TSG101: variants seen among roughly 807,000 people sequenced by gnomAD.
TSG101 encodes the protein tumor susceptibility 101.
A neutral mutation model predicts 48.5 loss-of-function variants in TSG101; 19 were observed. That is an observed-to-expected ratio of 0.39 (90% CI 0.27 to 0.58). TSG101 has a LOEUF of 0.58. Ranked by LOEUF, TSG101 falls within the 20% of genes least tolerant of loss-of-function variation. The pLI is 0.55. For synonymous variants in TSG101, 174 were observed against 169.4 expected, an observed-to-expected ratio of 1.03 and a Z score of -0.21; for missense variants, 365 against 484.4, an observed-to-expected ratio of 0.75 and a Z score of 2.31.
In TSG101 at chr11:18,480,370, A is replaced by G; in HGVS notation, c.*176T>C. 1 of 483,210 alleles carries G rather than the reference A, an allele frequency of 2.1e-6. No individual in the cohort carries two copies. Among genetic ancestry groups the G allele is most frequent in the South Asian group, 3.5e-5 (1 of 28,788 alleles). 29.9% of individuals were successfully genotyped at this position (483,210 alleles called of 1,614,324 possible). A position where few individuals can be genotyped will look rare whatever the true frequency, so the allele number is the denominator to read the frequency against. On this transcript the variant is annotated 3_prime_UTR_variant, in exon 10 of 10. Coordinates refer to ENST00000251968, the MANE Select transcript of TSG101 (RefSeq NM_006292.4). ...TCAGCACAAAAAGTTTACAGAGGAT[A>G]GAAAGTGCATTAATAAAAGCCAGTC...
chr11:18,480,445 C>A lies in TSG101; in HGVS notation c.*101G>T. ...TATTATTGATTCAAAATATTTTACA[C>A]TTGAATGATAAACTGCAATAACTTA... On this transcript the variant is annotated 3_prime_UTR_variant, in exon 10 of 10. Coordinates refer to ENST00000251968, the MANE Select transcript of TSG101 (RefSeq NM_006292.4). 2.3e-6 allele frequency: 2 copies of A among 856,778 alleles called. No individual in the cohort carries two copies. Among genetic ancestry groups the A allele is most frequent in the Non-Finnish European group, 3.6e-6 (2 of 560,320 alleles). 53.1% of individuals were successfully genotyped at this position (856,778 alleles called of 1,614,324 possible).
intron 1 of TSG101, among the ~76,000 whole-genome samples, chr11:18,520,687 C>T (rs550633329): frequency 9.1e-4 from 139 of 152,296 alleles, no homozygotes; most frequent in Non-Finnish European, 1.8e-3. Context: ...AGTATAGTTT[C>T]ATAGATATAT....
In TSG101 at chr11:18,483,894, C is replaced by G; in HGVS notation, c.819G>C (p.Met273Ile). Residue 273 changes from methionine (M) to isoleucine (I), a missense_variant, in exon 8 of 10, where the codon ATG (methionine) becomes ATC (isoleucine). Transcript: ENST00000251968. Reference protein sequence around the residue: ...LKKGHQKLEEMVTRLDQEVAE... With the variant: ...LKKGHQKLEEIVTRLDQEVAE... ...CTACTTCTTGATCTAAACGGGTAAC[C>G]ATCTCTTCCAGTTTCTGGTGACCCT... 1 of 1,614,138 alleles carries G rather than the reference C, an allele frequency of 6.2e-7. No individual in the cohort carries two copies. The highest frequency in any genetic ancestry group is 2.2e-5 in the East Asian group (1 of 44,876).
rs201202252 is a variant in TSG101, at chr11:18,514,678, G to A, written c.357C>T (p.His119=). The change falls in exon 4 of 10, where the codon CAC becomes CAT. Residue 119 remains histidine (H), a splice_region_variant and synonymous_variant. Transcript: ENST00000251968. ...TTCACAGAACACTATGAATACTTAC[G>A]TGTTTCCATTCATGTAGATAAGGAA... The part of the protein sequence containing the change: ...IYLPYLHEWK[H]PQSDLLGLIQ... The A allele has an allele frequency of 1.2e-4, 191 of 1,563,714 alleles. 1 individual carries two copies. Among genetic ancestry groups the A allele is most frequent in the Middle Eastern group, 1.7e-4 (1 of 5,788 alleles).
intron 1 of TSG101, among the ~76,000 whole-genome samples, chr11:18,524,182 A>G (rs1180912514): frequency 6.6e-6 from 1 of 152,258 alleles, no homozygotes; most frequent in Non-Finnish European, 1.5e-5. Context: ...GTATGTATGA[A>G]ACATCTAAAG....
rs544555884 is a variant in TSG101 at position 18,488,633 on chromosome 11, T to C, written c.641-4561A>G. 3.3e-5 allele frequency among the ~76,000 whole-genome samples: 5 copies of C among 152,132 alleles called. No individual in the cohort carries two copies. The South Asian group carries it at 1.0e-3, about 32-fold the overall frequency. ...CTGGAGGAAGACAGAGCTCTGGTGCTAGAAGTTCTTCTCAAGTCTTTAAAG... is the reference window on the plus strand; with the variant it reads ...CTGGAGGAAGACAGAGCTCTGGTGCCAGAAGTTCTTCTCAAGTCTTTAAAG... On this transcript the variant is annotated intron_variant, in intron 7 of 9. Transcript: ENST00000251968.
intron 6 of TSG101, among the ~76,000 whole-genome samples, chr11:18,503,023 T>C (rs1193872893): frequency 6.6e-6 from 1 of 152,238 alleles, no homozygotes; most frequent in Non-Finnish European, 1.5e-5. Flanking sequence ...CCTCTTTTGA[T>C]AACATTCGTA....
chr11:18,483,205 T>TC lies in TSG101; in HGVS notation c.843+664_843+665insG, dbSNP rs1849570171. 4.6e-5 allele frequency among the ~76,000 whole-genome samples: 7 copies of TC among 152,216 alleles called. No homozygotes were observed. The South Asian group carries it at 1.5e-3, about 32-fold the overall frequency. Reference sequence around the variant, plus strand: ...CCTCTTGCCACCACCATGTAAGAAGTGCCTTTTGGCTGGGCACAGTGGCTC... The same window carrying TC: ...CCTCTTGCCACCACCATGTAAGAAGTCGCCTTTTGGCTGGGCACAGTGGCTC... On this transcript the variant is annotated intron_variant, in intron 8 of 9. Transcript: ENST00000251968.
chr11:18,518,294 C>G (rs1054133856), intron 2 of TSG101, among the ~76,000 whole-genome samples: 1 of 152,132 alleles, frequency 6.6e-6, no homozygotes, highest in African/African-American at 2.4e-5. Flanking sequence ...TGTTGCTTCC[C>G]ACCTCTCTTC....
chr11:18,481,282 G>A, intron 9 of TSG101: 1 of 985,212 alleles, frequency 1.0e-6, no homozygotes, highest in Non-Finnish European at 1.2e-6. Flanking sequence ...AAAAATGGAG[G>A]TGGCACAATC....
intron 7 of TSG101, among the ~76,000 whole-genome samples, chr11:18,487,677 T>C (rs1849639628): frequency 6.6e-6 from 1 of 152,124 alleles, no homozygotes; most frequent in South Asian, 2.1e-4. Flanking sequence ...CCCACCTATT[T>C]GCTATTGCAA....
Position 18,499,378 on chromosome 11 carries a change from TTAAATATATA to T in TSG101, c.640+3098_640+3107del, listed in dbSNP as rs1410520582. Among the ~76,000 whole-genome samples, 73 of 29,022 alleles carry T rather than the reference TTAAATATATA, an allele frequency of 2.5e-3. 4 individuals carry two copies. The highest frequency in any genetic ancestry group is 7.6e-3 in the African/African-American group (70 of 9,250). The allele number at this position is 29,022 out of a possible 152,430, so 19.0% of individuals were successfully genotyped here. ...TGTTTATATATAAATATGTTTATATTTAAATATATATATATATATATATATTTTTTTTTTT... is the reference window on the plus strand; with the variant it reads ...TGTTTATATATAAATATGTTTATATTTATATATATATATATTTTTTTTTTT... On this transcript the variant is annotated intron_variant, in intron 7 of 9. Coordinates refer to ENST00000251968, the MANE Select transcript of TSG101 (RefSeq NM_006292.4).
At chr11:18,483,341 C>G (rs1849572530) in intron 8 of TSG101, among the ~76,000 whole-genome samples, 1 of 151,926 alleles carries the variant, frequency 6.6e-6, no homozygotes, top group Non-Finnish European at 1.5e-5. Context: ...CTAAAAAATA[C>G]AAAAATTAGC....
At chr11:18,502,944 TAC>T (rs1265964990) in intron 6 of TSG101, among the ~76,000 whole-genome samples, 4 of 152,236 alleles carry the variant, frequency 2.6e-5, no homozygotes, top group African/African-American at 7.2e-5. Context: ...ATTTAATTTG[TAC>T]CTGTGGCTTA....
chr11:18,490,825 G>A (rs1227625418), intron 7 of TSG101: 1 of 544,690 alleles, frequency 1.8e-6, no homozygotes, highest in African/African-American at 1.9e-5. Flanking sequence ...AGGCAACAGA[G>A]AGCAGATTTC....
chr11:18,509,110 G>C (rs1850026799), intron 5 of TSG101, among the ~76,000 whole-genome samples: 2 of 152,206 alleles, frequency 1.3e-5, no homozygotes, highest in African/African-American at 4.8e-5. Flanking sequence ...GTCCAATTGT[G>C]TATACCCAGA....
intron 2 of TSG101, among the ~76,000 whole-genome samples, chr11:18,519,307 G>C (rs768919903): frequency 6.6e-6 from 1 of 152,090 alleles, no homozygotes; most frequent in Non-Finnish European, 1.5e-5. Context: ...TCCAGGTACA[G>C]TATTTTTTTT....
intron 1 of TSG101, among the ~76,000 whole-genome samples, chr11:18,525,185 A>C (rs146250235): frequency 0.016 from 2,403 of 152,290 alleles, 50 homozygotes; most frequent in African/African-American, 0.054. Flanking sequence ...CTAGGATTAC[A>C]GGCGTAAGCC....
At chr11:18,505,254 G>A (rs917010284) in intron 6 of TSG101, among the ~76,000 whole-genome samples, 8 of 148,874 alleles carry the variant, frequency 5.4e-5, no homozygotes, top group Non-Finnish European at 1.2e-4. Context: ...ATCAGTATAT[G>A]CCAATCTTTT....
Sources: allele counts gnomAD v4.1 joint callset (sites outside exome capture counted in the v4.1 genomes callset), GRCh38; gene constraint gnomAD v4.1.1; transcripts MANE v1.5; gene names NCBI Gene and HGNC (gene_info 2026-07-23, HGNC 2026-07-21).